IMPA1: variants seen among roughly 807,000 people sequenced by gnomAD.
IMPA1 encodes the protein D-galactose 1-phosphate phosphatase.
Under a neutral mutation model 34.9 loss-of-function variants are expected in IMPA1, and 21 were observed. The observed-to-expected ratio is 0.60, with a 90% confidence interval of 0.43 to 0.87. IMPA1 has a LOEUF of 0.87. Among genes scored for constraint, IMPA1 ranks in the 40% least tolerant of loss-of-function variants. The pLI is 0.00. For synonymous variants in IMPA1, 95 were observed against 104.4 expected, an observed-to-expected ratio of 0.91 and a Z score of 0.55; for missense variants, 299 against 336.4, an observed-to-expected ratio of 0.89 and a Z score of 0.87.
At chr8:81,684,130 T>TACAC (rs987057002) in intron 1 of IMPA1, among the ~76,000 whole-genome samples, 6 of 114,190 alleles carry the variant, frequency 5.3e-5, no homozygotes, top group African/African-American at 1.9e-4. Context: ...CACACACACA[T>TACAC]ACACACATAC....
At chr8:81,661,940 GTTTA>G (rs766003418) in intron 7 of IMPA1, among the ~76,000 whole-genome samples, 2 of 152,106 alleles carry the variant, frequency 1.3e-5, no homozygotes, top group African/African-American at 2.4e-5. Context: ...ATCTTTCACA[GTTTA>G]TTTATTTAAA....
At chr8:81,667,744 G>A (rs1349674610) in intron 7 of IMPA1, among the ~76,000 whole-genome samples, 1 of 151,416 alleles carries the variant, frequency 6.6e-6, no homozygotes, top group Non-Finnish European at 1.5e-5. Flanking sequence ...TGAGGAACAA[G>A]GTATCGGATC....
intron 5 of IMPA1, chr8:81,674,543 A>C (rs772800380): frequency 1.9e-5 from 5 of 258,038 alleles, no homozygotes; most frequent in Non-Finnish European, 3.9e-5. Context: ...GAAGAATTGG[A>C]GTCTACTGGC....
At chr8:81,682,767 C>T (rs914949169) in intron 1 of IMPA1, among the ~76,000 whole-genome samples, 1 of 152,118 alleles carries the variant, frequency 6.6e-6, no homozygotes, top group African/African-American at 2.4e-5. Flanking sequence ...ACTAATGTAA[C>T]TCTACAAATT....
chr8:81,661,942 T>C (rs1231158962), intron 7 of IMPA1, among the ~76,000 whole-genome samples: 1 of 152,190 alleles, frequency 6.6e-6, no homozygotes, highest in East Asian at 1.9e-4. Flanking sequence ...CTTTCACAGT[T>C]TATTTATTTA....
At chr8:81,685,684 T>TTATATATAATATATGAATAGTTATA in intron 1 of IMPA1, 1 of 549,586 alleles carries the variant, frequency 1.8e-6, no homozygotes, top group Non-Finnish European at 2.5e-6. Context: ...TTATATATAG[T>TTATATATAATATATGAATAGTTATA]TATATATAAT....
intron 8 of IMPA1, 73 bp downstream of exon 8, chr8:81,660,443 G>A: frequency 7.0e-7 from 1 of 1,432,620 alleles, no homozygotes; most frequent in Middle Eastern, 2.0e-4. Flanking sequence ...ATATCAAAAA[G>A]TTTTTTAAAT....
chr8:81,660,142 C>CA (rs1369879095), intron 8 of IMPA1, among the ~76,000 whole-genome samples: 1 of 152,056 alleles, frequency 6.6e-6, no homozygotes, highest in Non-Finnish European at 1.5e-5. Context: ...TTTTTAATCG[C>CA]AAAAAACTCA....
intron 5 of IMPA1, among the ~76,000 whole-genome samples, chr8:81,675,255 C>T (rs115981138): frequency 4.0e-5 from 6 of 151,100 alleles, no homozygotes; most frequent in Admixed American, 6.6e-5. Flanking sequence ...ACCACCCCCC[C>T]ACCCCCGCCA....
chr8:81,683,276 A>G (rs1807353036), intron 1 of IMPA1, among the ~76,000 whole-genome samples: 2 of 152,212 alleles, frequency 1.3e-5, no homozygotes, highest in Admixed American at 6.5e-5. Context: ...AAGGGGCTTC[A>G]AGAATCACTT....
At chr8:81,679,731 T>C (rs1226351564) in intron 3 of IMPA1, among the ~76,000 whole-genome samples, 1 of 152,126 alleles carries the variant, frequency 6.6e-6, no homozygotes, top group Non-Finnish European at 1.5e-5. Context: ...TCCCCATGAA[T>C]AAAGCGATGT....
chr8:81,680,850 A>G (rs376349175), intron 2 of IMPA1, 67 bp from the exon 3 acceptor site: 1 of 1,173,058 alleles, frequency 8.5e-7, no homozygotes. Context: ...AAATACATAA[A>G]TGGTTTAAGA....
intron 7 of IMPA1, among the ~76,000 whole-genome samples, chr8:81,668,634 AG>A (rs1420599342): frequency 6.6e-6 from 1 of 152,154 alleles, no homozygotes; most frequent in Non-Finnish European, 1.5e-5. Flanking sequence ...AAAGAAAGGA[AG>A]CAGAGCAAAA....
At chr8:81,686,222 A>G (rs975016236) in intron 1 of IMPA1, 30 bp downstream of exon 1, 4 of 1,022,870 alleles carry the variant, frequency 3.9e-6, no homozygotes, top group East Asian at 1.5e-4. Context: ...CTGAACCCGG[A>G]GGGTGCGGTG....
At chr8:81,685,055 CATAAGT>C (rs1324313381) in intron 1 of IMPA1, among the ~76,000 whole-genome samples, 3 of 128,032 alleles carry the variant, frequency 2.3e-5, no homozygotes, top group East Asian at 4.5e-4. Flanking sequence ...ATATACTATA[CATAAGT>C]ATATTTAGAT....
At chr8:81,682,644 ACT>A (rs1807334603) in intron 1 of IMPA1, among the ~76,000 whole-genome samples, 1 of 150,732 alleles carries the variant, frequency 6.6e-6, no homozygotes, top group East Asian at 1.9e-4. Flanking sequence ...TTTTTTTTTC[ACT>A]CTTACTCCCA....
chr8:81,659,630 ATATAAC>A (rs1458835943), intron 8 of IMPA1, among the ~76,000 whole-genome samples, 164 bp from the exon 9 acceptor site: 2 of 152,194 alleles, frequency 1.3e-5, no homozygotes, highest in African/African-American at 4.8e-5. Context: ...CTTAGACAAT[ATATAAC>A]TGTTTCTAAG....
chr8:81,661,124 A>G (rs370688872), intron 7 of IMPA1, among the ~76,000 whole-genome samples: 3 of 152,330 alleles, frequency 2.0e-5, no homozygotes, highest in Non-Finnish European at 1.5e-5. Context: ...CAACAACAGC[A>G]TGCCAGGCTC....
chr8:81,666,690 AT>A (rs1211436879), intron 7 of IMPA1, among the ~76,000 whole-genome samples: 10 of 152,058 alleles, frequency 6.6e-5, no homozygotes, highest in African/African-American at 2.4e-4. Context: ...CCTGGCCAAC[AT>A]GGCGAAACCC....
Sources: gnomAD v4.1 joint callset for allele counts (sites outside exome capture counted in the v4.1 genomes callset) on GRCh38, gnomAD v4.1.1 for gene constraint, MANE v1.5 for transcripts, NCBI Gene and HGNC (gene_info 2026-07-23, HGNC 2026-07-21) for gene names.